Variants in WWOX observed in about 807,000 individuals in gnomAD.
WWOX encodes the protein WW domain containing oxidoreductase.
In WWOX, 69 loss-of-function variants were observed where a neutral mutation model predicts 46.2. The ratio of observed to expected loss-of-function variants is 1.49; its 90% confidence interval spans 1.23 to 1.82. The LOEUF (loss-of-function observed/expected upper bound fraction) is 1.82, where lower values mean the gene tolerates loss of function less well. WWOX is among the 40% of genes most tolerant of loss of function. WWOX has a pLI of 0.00. For synonymous variants in WWOX, 359 were observed against 202.6 expected (o/e 1.77, Z -6.56); for missense variants, 919 against 542.6 (o/e 1.69, Z -6.89).
chr16:78,976,411 G>A (rs763886642), intron 8 of WWOX, among the ~76,000 whole-genome samples: 7 of 152,222 alleles, frequency 4.6e-5, no homozygotes, highest in South Asian at 2.1e-4. Flanking sequence ...CAGATTCGGA[G>A]CATGTGATGT....
intron 8 of WWOX, among the ~76,000 whole-genome samples, chr16:78,484,172 C>G (rs1404422413): frequency 6.6e-6 from 1 of 152,102 alleles, no homozygotes; most frequent in Non-Finnish European, 1.5e-5. Context: ...GTAGGAGCTG[C>G]TCTTAATGAT....
chr16:78,270,360 A>G (rs1349808539), intron 5 of WWOX: 1 of 152,204 alleles, frequency 6.6e-6, no homozygotes, highest in Non-Finnish European at 1.5e-5. Flanking sequence ...AGCAGAGGAC[A>G]GGATGGCTTT....
At chr16:79,010,344 G>A (rs2047279073) in intron 8 of WWOX, among the ~76,000 whole-genome samples, 1 of 152,116 alleles carries the variant, frequency 6.6e-6, no homozygotes, top group Non-Finnish European at 1.5e-5. Context: ...GATGGGACCA[G>A]GGCCTTTAAC....
intron 8 of WWOX, among the ~76,000 whole-genome samples, chr16:79,065,712 T>G (rs1035015551): frequency 2.6e-5 from 4 of 152,168 alleles, no homozygotes; most frequent in Non-Finnish European, 5.9e-5. Context: ...AAAGGTGGTT[T>G]CATTTCGGGA....
rs1323050334 is a variant in WWOX at position 79,145,102 on chromosome 16, G to A, written c.1057-66506G>A. On this transcript the variant is annotated intron_variant, in intron 8 of 8. Coordinates refer to ENST00000566780, the MANE Select transcript of WWOX (RefSeq NM_016373.4). ...ATGGTGCCACTGATTATGGGTCAGAGCTTGTTGAAAGGGTATTAATCCATT... is the reference window on the plus strand; with the variant it reads ...ATGGTGCCACTGATTATGGGTCAGAACTTGTTGAAAGGGTATTAATCCATT... 2.0e-5 allele frequency among the ~76,000 whole-genome samples: 3 copies of A among 152,146 alleles called. No individual in the cohort carries two copies. In the East Asian group the frequency reaches 5.8e-4, roughly 29 times the overall value.
intron 8 of WWOX, among the ~76,000 whole-genome samples, chr16:79,136,002 T>C (rs1166075311): frequency 1.3e-5 from 2 of 152,242 alleles, no homozygotes; most frequent in Non-Finnish European, 2.9e-5. Context: ...GTTTGTCGTT[T>C]GTTTGCAACC....
chr16:78,165,254 C>A (rs985026291), intron 5 of WWOX, among the ~76,000 whole-genome samples: 3 of 152,216 alleles, frequency 2.0e-5, no homozygotes, highest in Non-Finnish European at 4.4e-5. Flanking sequence ...TGCATTCATT[C>A]ACTTTTCATT....
At position 78,985,155 on chromosome 16, in the gene WWOX, C is replaced by A. The variant is rs374316153; in HGVS notation, c.1057-226453C>A. 2.4e-3 allele frequency among the ~76,000 whole-genome samples: 363 copies of A among 152,318 alleles called. 1 individual carries two copies. Among genetic ancestry groups the A allele is most frequent in the African/African-American group, 7.8e-3 (323 of 41,564 alleles). On this transcript the variant is annotated intron_variant, in intron 8 of 8. Coordinates refer to ENST00000566780, the MANE Select transcript of WWOX (RefSeq NM_016373.4). ...TTGCAGATGGCTTTAGCCCCAGCAG[C>A]AGAGGCTGCCATGACATCGGCATGC... is the stretch of plus-strand genomic sequence containing the variant.
At chr16:78,250,819 G>A (rs1483125082) in intron 5 of WWOX, among the ~76,000 whole-genome samples, 3 of 152,118 alleles carry the variant, frequency 2.0e-5, no homozygotes, top group Non-Finnish European at 2.9e-5. Flanking sequence ...ACCTGCAAAT[G>A]TCATGTGGTT....
At chr16:78,363,955 T>C (rs1429150396) in intron 5 of WWOX, among the ~76,000 whole-genome samples, 3 of 152,212 alleles carry the variant, frequency 2.0e-5, no homozygotes, top group Non-Finnish European at 2.9e-5. Flanking sequence ...CCTGTCACTC[T>C]TGCTGACATC....
rs1402975035 is a variant in WWOX at position 78,422,842 on chromosome 16, T to TACACAC, written c.606-2027_606-2026insCACACA. Among the ~76,000 whole-genome samples the TACACAC allele has an allele frequency of 3.5e-4, 27 of 76,298 alleles. 3 individuals are homozygous for TACACAC. Among genetic ancestry groups the TACACAC allele is most frequent in the African/African-American group, 1.4e-3 (24 of 17,352 alleles). 50.1% of individuals were successfully genotyped at this position (76,298 alleles called of 152,430 possible). On this transcript the variant is annotated intron_variant, in intron 6 of 8. Coordinates refer to ENST00000566780, the MANE Select transcript of WWOX (RefSeq NM_016373.4). Reference sequence around the variant, plus strand: ...ATACACACACATATATATATATACATATACACACACACACACACACACACA... The same window carrying TACACAC: ...ATACACACACATATATATATATACATACACACATACACACACACACACACACACACA...
intron 8 of WWOX, among the ~76,000 whole-genome samples, chr16:78,491,317 C>T (rs185228802): frequency 4.2e-4 from 64 of 152,298 alleles, no homozygotes; most frequent in Non-Finnish European, 7.6e-4. Context: ...GGATGAGACG[C>T]CCCTTGGGGA....
intron 8 of WWOX, among the ~76,000 whole-genome samples, chr16:78,709,427 T>C (rs1344873340): frequency 6.6e-6 from 1 of 151,914 alleles, no homozygotes; most frequent in Admixed American, 6.6e-5. Context: ...CTGTTGCAAG[T>C]AATCGGGCTC....
chr16:78,660,533 A>C (rs898198993), intron 8 of WWOX, among the ~76,000 whole-genome samples: 3 of 151,904 alleles, frequency 2.0e-5, no homozygotes, highest in Non-Finnish European at 2.9e-5. Context: ...TCACAAAACA[A>C]CTCAGGGCCT....
intron 5 of WWOX, among the ~76,000 whole-genome samples, 168 bp from the exon 6 acceptor site, chr16:78,386,692 C>G (rs2082068346): frequency 6.8e-6 from 1 of 146,858 alleles, no homozygotes; most frequent in Admixed American, 7.2e-5. Context: ...CCGAACTTGG[C>G]AGTAAAAGCC....
chr16:78,633,200 T>C (rs1466473084), intron 8 of WWOX, among the ~76,000 whole-genome samples: 1 of 152,046 alleles, frequency 6.6e-6, no homozygotes. Flanking sequence ...AGGCAGAGGT[T>C]GCAGTGAGCT....
intron 8 of WWOX, chr16:78,996,447 A>G (rs2046992087): frequency 1.9e-6 from 1 of 514,544 alleles, no homozygotes; most frequent in Non-Finnish European, 2.5e-6. Context: ...GGCATATTCA[A>G]AGTGCTCAGC....
chr16:79,132,995 C>G (rs563660973), intron 8 of WWOX, among the ~76,000 whole-genome samples: 3 of 152,252 alleles, frequency 2.0e-5, no homozygotes, highest in East Asian at 3.9e-4. Flanking sequence ...TCTTACCAGT[C>G]CTGGCAGGCA....
intron 8 of WWOX, among the ~76,000 whole-genome samples, chr16:78,712,743 C>G (rs970208272): frequency 7.2e-5 from 11 of 151,996 alleles, no homozygotes; most frequent in African/African-American, 2.7e-4. Flanking sequence ...ACCGAAAAAT[C>G]TACAAGTGAA....
Sources: allele counts gnomAD v4.1 joint callset (sites outside exome capture counted in the v4.1 genomes callset), GRCh38; gene constraint gnomAD v4.1.1; transcripts MANE v1.5; gene names NCBI Gene and HGNC (gene_info 2026-07-23, HGNC 2026-07-21).